The following TUBGCP6 variants were observed in gnomAD, a reference collection of about 807,000 sequenced individuals.
TUBGCP6 encodes tubulin gamma complex component 6.
In TUBGCP6, 161 loss-of-function variants were observed where a neutral mutation model predicts 175.8. That is an observed-to-expected ratio of 0.92 (90% CI 0.81 to 1.04). The LOEUF is 1.04. Among genes scored for constraint, TUBGCP6 ranks in the 50% least tolerant of loss-of-function variants. The probability of loss-of-function intolerance (pLI) is 0.00; values close to 1 mark genes in which losing one functional copy is unlikely to be tolerated. For missense variants in TUBGCP6, 2,572 were observed against 2,433.0 expected (o/e 1.06, Z -1.20); for synonymous variants, 1,173 against 1,030.5 (o/e 1.14, Z -2.65).
At chr22:50,237,721 G>A (rs1006630854) in intron 2 of TUBGCP6, among the ~76,000 whole-genome samples, 24 of 152,312 alleles carry the variant, frequency 1.6e-4, no homozygotes, top group Admixed American at 5.9e-4. Flanking sequence ...CCCACCGTGC[G>A]GGAGCTCCGC....
At position 50,220,882 on chromosome 22, in the gene TUBGCP6, G is replaced by A. The variant is rs745528767; in HGVS notation, c.3477C>T (p.Asn1159=). 4 of 1,612,524 alleles carry A rather than the reference G, an allele frequency of 2.5e-6. No individual in the cohort carries two copies. The highest frequency in any genetic ancestry group is 2.2e-5 in the East Asian group (1 of 44,788). ...TGGCATCGGACACGTGTCCATGGGTGTTCCACCGTGGCCGGGTGGGAGCCA... is the reference window on the plus strand; with the variant it reads ...TGGCATCGGACACGTGTCCATGGGTATTCCACCGTGGCCGGGTGGGAGCCA... ...SDVAPTRPRW[N]THGHVSDASI... is the part of the protein sequence containing the mutation. Residue 1159 remains asparagine (N), a synonymous_variant, in exon 16 of 25, where the codon AAC becomes AAT. Coordinates refer to ENST00000248846, the MANE Select transcript of TUBGCP6 (RefSeq NM_020461.4).
In TUBGCP6 at chr22:50,244,394, G is replaced by C; in HGVS notation, c.66C>G (p.His22Gln). Reference sequence around the variant, plus strand: ...TCCGGTTCACACTGCGCTGGCCCAGGTGAGTCTTGGCAGCCGGCAGGAGGG... The same window carrying C: ...TCCGGTTCACACTGCGCTGGCCCAGCTGAGTCTTGGCAGCCGGCAGGAGGG... ...CEALLPAAKT[H>Q]LGQRSVNRKR... The change falls in exon 1 of 25, where the codon CAC becomes CAG. Residue 22 changes from histidine to glutamine, a missense_variant. His to Gln is a conservative substitution (Grantham distance 24). Transcript: ENST00000248846. 8 of 1,613,290 alleles carry C rather than the reference G, an allele frequency of 5.0e-6. No individual in the cohort carries two copies. The highest frequency in any genetic ancestry group is 6.8e-6 in the Non-Finnish European group (8 of 1,180,032).
At chr22:50,243,541 C>T (rs979179484) in intron 1 of TUBGCP6, among the ~76,000 whole-genome samples, 178 bp downstream of exon 1, 5 of 143,914 alleles carry the variant, frequency 3.5e-5, no homozygotes, top group Non-Finnish European at 7.5e-5. Context: ...TTGCTTGAGC[C>T]CAGAAAGTGG....
chr22:50,218,449 G>A (rs376538425), intron 22 of TUBGCP6, 39 bp downstream of exon 22: 5 of 1,612,904 alleles, frequency 3.1e-6, no homozygotes, highest in Non-Finnish European at 4.2e-6. Flanking sequence ...GCAGCCTCCA[G>A]CCAGGGGTGC....
At position 50,238,155 on chromosome 22, in the gene TUBGCP6, GAGAC is replaced by G. The variant is rs879569180; in HGVS notation, c.905+2045_905+2048del. Among the ~76,000 whole-genome samples the G allele has an allele frequency of 1.8e-4, 27 of 149,854 alleles. 1 individual carries two copies. The East Asian group carries it at 2.6e-3, about 14-fold the overall frequency. ...AAAAGAAAAGAGAGAGAGAGAGAGA[GAGAC>G]AGACAGACAGACTTATGAGGGAGAG... On this transcript the variant is annotated intron_variant, in intron 2 of 24. Coordinates refer to ENST00000248846, the MANE Select transcript of TUBGCP6 (RefSeq NM_020461.4).
At position 50,224,071 on chromosome 22, in the gene TUBGCP6, T is replaced by G. The variant is rs2064568349; in HGVS notation, c.2270+70A>C. ...TCAAAACAAAAAGTAAAATCATCAGTAAGATTAAGCCAGAGCTATGGGGCC... is the reference window on the plus strand; with the variant it reads ...TCAAAACAAAAAGTAAAATCATCAGGAAGATTAAGCCAGAGCTATGGGGCC... On this transcript the variant is annotated intron_variant, in intron 13 of 24. Coordinates refer to ENST00000248846, the MANE Select transcript of TUBGCP6 (RefSeq NM_020461.4). The G allele has an allele frequency of 2.2e-6, 3 of 1,344,048 alleles. No individual in the cohort carries two copies. In the South Asian group the frequency reaches 3.6e-5, roughly 16 times the overall value. 83.3% of individuals were successfully genotyped at this position (1,344,048 alleles called of 1,614,324 possible).
rs549008504 is a variant in TUBGCP6 at position 50,236,317 on chromosome 22, A to G, written c.906-2791T>C. ...TGCCTGGCTAATTTTTTGTATTTTT[A>G]GCAGAGATGGGGTTTCACCGTGTTA... On this transcript the variant is annotated intron_variant, in intron 2 of 24. Coordinates refer to ENST00000248846, the MANE Select transcript of TUBGCP6 (RefSeq NM_020461.4). 5.3e-5 allele frequency among the ~76,000 whole-genome samples: 8 copies of G among 152,146 alleles called. No homozygotes were observed. In the South Asian group the frequency reaches 1.7e-3, roughly 32 times the overall value.
At position 50,227,037 on chromosome 22, in the gene TUBGCP6, C is replaced by G; in HGVS notation, c.1453G>C (p.Gly485Arg). 6.2e-7 allele frequency: 1 copy of G among 1,612,582 alleles called. No individual in the cohort carries two copies. Among genetic ancestry groups the G allele is most frequent in the Non-Finnish European group, 8.5e-7 (1 of 1,179,668 alleles). ...ELCGVGAVLP[G>R]TCGGGPRAAF... ...GCCCTGGGGCCTCCTCCACAGGTGCCCGGGAGCACAGCGCCAACGCCACAG... is the reference window on the plus strand; with the variant it reads ...GCCCTGGGGCCTCCTCCACAGGTGCGCGGGAGCACAGCGCCAACGCCACAG... The change falls in exon 6 of 25, where the codon GGC becomes CGC. Residue 485 changes from glycine to arginine, a missense_variant. Transcript: ENST00000248846.
At chr22:50,229,308 C>A (rs1295648614) in intron 4 of TUBGCP6, 96 bp downstream of exon 4, 14 of 1,379,888 alleles carry the variant, frequency 1.0e-5, no homozygotes, top group Non-Finnish European at 1.1e-5. Flanking sequence ...GGTTTAGACT[C>A]TCTGGTCCTG....
intron 7 of TUBGCP6, 73 bp downstream of exon 7, chr22:50,226,660 G>T: frequency 7.6e-7 from 1 of 1,315,600 alleles, no homozygotes; most frequent in South Asian, 1.3e-5. Context: ...GCAGGTGTCT[G>T]ACAAGGGACC....
Position 50,224,195 on chromosome 22 carries a change from C to T in TUBGCP6, c.2216G>A (p.Arg739Gln), listed in dbSNP as rs775701714. Residue 739 changes from arginine to glutamine, a missense_variant, in exon 13 of 25, where the codon CGA becomes CAA. By Grantham distance (43) the Arg-to-Gln change is conservative (BLOSUM62 1). Coordinates refer to ENST00000248846, the MANE Select transcript of TUBGCP6 (RefSeq NM_020461.4). ...DDDFSYAREL[R>Q]DRERRLKSLE... ...GGACTTCAGCCTTCTCTCCCTGTCT[C>T]GGAGTTCACGGGCGTAGCTGAAGTC... 1.4e-5 allele frequency: 22 copies of T among 1,613,992 alleles called. No homozygotes were observed. Among genetic ancestry groups the T allele is most frequent in the East Asian group, 4.5e-5 (2 of 44,898 alleles).
At position 50,227,014 on chromosome 22, in the gene TUBGCP6, C is replaced by T; in HGVS notation, c.1476G>A (p.Arg492=). The T allele has an allele frequency of 6.2e-7, 1 of 1,612,200 alleles. No homozygotes were observed. The highest frequency in any genetic ancestry group is 1.3e-5 in the African/African-American group (1 of 75,016). The stretch of plus-strand genomic sequence containing the variant: ...CACAACTCACGGTGGGAAACGCGGC[C>T]CTGGGGCCTCCTCCACAGGTGCCCG... ...VLPGTCGGGP[R]AAFPTGVKLL... The change falls in exon 6 of 25, where the codon AGG becomes AGA. Residue 492 remains arginine (R), a synonymous_variant. Coordinates refer to ENST00000248846, the MANE Select transcript of TUBGCP6 (RefSeq NM_020461.4).
Position 50,244,392 on chromosome 22 carries a change from A to C in TUBGCP6, c.68T>G (p.Leu23Arg), listed in dbSNP as rs746705594. Residue 23 changes from leucine (L) to arginine (R), a missense_variant, in exon 1 of 25, where the codon CTG (leucine) becomes CGG (arginine). By Grantham distance (102) the Leu-to-Arg change is moderately radical. Coordinates refer to ENST00000248846, the MANE Select transcript of TUBGCP6 (RefSeq NM_020461.4). ...CTTCCGGTTCACACTGCGCTGGCCC[A>C]GGTGAGTCTTGGCAGCCGGCAGGAG... ...EALLPAAKTH[L>R]GQRSVNRKRA... is the part of the protein sequence containing the mutation. 1.9e-6 allele frequency: 3 copies of C among 1,613,296 alleles called. No individual in the cohort carries two copies. Among genetic ancestry groups the C allele is most frequent in the South Asian group, 1.1e-5 (1 of 91,082 alleles).
intron 20 of TUBGCP6, 60 bp downstream of exon 20, chr22:50,219,008 G>T: frequency 6.2e-7 from 1 of 1,602,110 alleles, no homozygotes; most frequent in South Asian, 1.1e-5. Context: ...CGTGCAGCCA[G>T]TCTCTCTTTT....
At position 50,217,719 on chromosome 22, in the gene TUBGCP6, TC is replaced by T. The variant is rs1171155015; in HGVS notation, c.*16del. 4 of 1,611,678 alleles carry T rather than the reference TC, an allele frequency of 2.5e-6. No homozygotes were observed. In the African/African-American group the frequency reaches 5.3e-5, roughly 22 times the overall value. ...TCCGAGAACACCTTTATTGTGCACG[TC>T]CCCCGCAGAGCAGCCTCAGGCGTCC... On this transcript the variant is annotated 3_prime_UTR_variant, in exon 25 of 25. Transcript: ENST00000248846.
intron 2 of TUBGCP6, among the ~76,000 whole-genome samples, chr22:50,236,861 CT>C (rs981971154): frequency 6.6e-6 from 1 of 152,194 alleles, no homozygotes; most frequent in African/African-American, 2.4e-5. Context: ...CTGTTTCCCC[CT>C]GCAGCCACTT....
At position 50,233,299 on chromosome 22, in the gene TUBGCP6, G is replaced by A. The variant is rs762197283; in HGVS notation, c.1116+17C>T. 1.2e-5 allele frequency: 20 copies of A among 1,606,172 alleles called. No individual in the cohort carries two copies. The Middle Eastern group carries it at 9.9e-4, about 80-fold the overall frequency. On this transcript the variant is annotated intron_variant, in intron 3 of 24. Coordinates refer to ENST00000248846, the MANE Select transcript of TUBGCP6 (RefSeq NM_020461.4). Reference sequence around the variant, plus strand: ...GCCAGCCCCACACCACTGTGGCGGGGAGTGAGCAGTTCTCACCTGGCAGAG... The same window carrying A: ...GCCAGCCCCACACCACTGTGGCGGGAAGTGAGCAGTTCTCACCTGGCAGAG...
Position 50,240,214 on chromosome 22 carries a change from G to T in TUBGCP6, c.895C>A (p.Arg299=). The change falls in exon 2 of 25, where the codon CGA becomes AGA. Residue 299 remains arginine, a synonymous_variant. Transcript: ENST00000248846. ...YEASKRRCWE[R]VGCPPGHREE... ...AAGAAGGGCACACACCAGCCAACTC[G>T]CTCCCAGCACCTCCGCTTGCTGGCC... 1 of 1,613,754 alleles carries T rather than the reference G, an allele frequency of 6.2e-7. No homozygotes were observed. Among genetic ancestry groups the T allele is most frequent in the African/African-American group, 1.3e-5 (1 of 75,010 alleles).
rs962268848 is a variant in TUBGCP6 at position 50,226,365 on chromosome 22, A to C, written c.1615T>G (p.Trp539Gly). Residue 539 changes from tryptophan (W) to glycine (G), a missense_variant, in exon 8 of 25, where the codon TGG becomes GGG. Trp to Gly is a radical substitution (Grantham distance 184, BLOSUM62 -2). Coordinates refer to ENST00000248846, the MANE Select transcript of TUBGCP6 (RefSeq NM_020461.4). ...TCTCTGAACACCCCGCTGTACACCC[A>C]GTCGTGGATGAACCTGCAGTGGGGG... is the stretch of plus-strand genomic sequence containing the variant. ...CEPYTRFIHD[W>G]VYSGVFRDAY... The C allele has an allele frequency of 1.2e-6, 2 of 1,609,250 alleles. No individual in the cohort carries two copies. The highest frequency in any genetic ancestry group is 2.7e-5 in the African/African-American group (2 of 74,724).
Sources: allele counts gnomAD v4.1 joint callset (sites outside exome capture counted in the v4.1 genomes callset), GRCh38; gene constraint gnomAD v4.1.1; transcripts MANE v1.5; gene names NCBI Gene and HGNC (gene_info 2026-07-23, HGNC 2026-07-21).